Variants in ACAT1 observed in about 807,000 individuals in gnomAD.
ACAT1 encodes acetyl-CoA acetyltransferase, mitochondrial.
A neutral mutation model predicts 47.3 loss-of-function variants in ACAT1; 28 were observed. That is an observed-to-expected ratio of 0.59 (90% CI 0.44 to 0.81). ACAT1 has a LOEUF of 0.81. ACAT1 is among the 30% of genes least tolerant of loss of function. The pLI, the probability that ACAT1 is intolerant of heterozygous loss-of-function variation, is 0.00. For missense variants in ACAT1, 469 were observed against 524.3 expected (o/e 0.89, Z 1.03); for synonymous variants, 181 against 173.6 (o/e 1.04, Z -0.34).
chr11:108,126,791 CTT>C (rs766192283), intron 1 of ACAT1, among the ~76,000 whole-genome samples: 11 of 114,554 alleles, frequency 9.6e-5, no homozygotes, highest in Admixed American at 2.1e-4. Flanking sequence ...AACAGGTTTT[CTT>C]TTTTTTTTTT....
chr11:108,144,155 A>G lies in ACAT1; in HGVS notation c.1005+108A>G. 5 of 1,295,864 alleles carry G rather than the reference A, an allele frequency of 3.9e-6. No individual in the cohort carries two copies. The East Asian group carries it at 1.2e-4, about 30-fold the overall frequency. 80.3% of individuals were successfully genotyped at this position (1,295,864 alleles called of 1,614,324 possible). A position where few individuals can be genotyped will look rare whatever the true frequency, so the allele number is the denominator to read the frequency against. The stretch of plus-strand genomic sequence containing the variant: ...ATGTTATCTGCCAAAGCAGAGAGAT[A>G]GCTTGGTTTCAAATCTTCCCATGTC... On this transcript the variant is annotated intron_variant, in intron 10 of 11. Coordinates refer to ENST00000265838, the MANE Select transcript of ACAT1 (RefSeq NM_000019.4).
intron 1 of ACAT1, among the ~76,000 whole-genome samples, chr11:108,128,370 C>G (rs976154755): frequency 2.0e-5 from 3 of 152,176 alleles, no homozygotes; most frequent in Admixed American, 6.6e-5. Flanking sequence ...GCAGGCGGAT[C>G]ACCTGAGGTC....
chr11:108,120,239 A>G (rs1325519218), upstream of ACAT1, among the ~76,000 whole-genome samples: 4 of 152,014 alleles, frequency 2.6e-5, no homozygotes, highest in Admixed American at 1.3e-4. Flanking sequence ...GCTTATGCCT[A>G]TAATATCTGT....
At chr11:108,129,586 C>T (rs1297463740) in intron 1 of ACAT1, among the ~76,000 whole-genome samples, 1 of 152,038 alleles carries the variant, frequency 6.6e-6, no homozygotes, top group Non-Finnish European at 1.5e-5. Context: ...CCAGGCTGGT[C>T]TTGAACTCCC....
intron 1 of ACAT1, among the ~76,000 whole-genome samples, chr11:108,125,001 A>G (rs1310900482): frequency 6.6e-6 from 1 of 152,162 alleles, no homozygotes; most frequent in Admixed American, 6.6e-5. Flanking sequence ...GTTTCATAAC[A>G]TTTACTGTAG....
chr11:108,121,125 C>T (rs2077140395), upstream of ACAT1, among the ~76,000 whole-genome samples: 1 of 151,708 alleles, frequency 6.6e-6, no homozygotes, highest in Non-Finnish European at 1.5e-5. Context: ...CGCTTGAGCC[C>T]TGATGGTCGA....
chr11:108,135,438 C>G (rs1156653535), intron 5 of ACAT1, among the ~76,000 whole-genome samples, 196 bp downstream of exon 5: 1 of 151,902 alleles, frequency 6.6e-6, no homozygotes, highest in African/African-American at 2.4e-5. Flanking sequence ...GGCTGGGTAT[C>G]ATGTCTGTAA....
chr11:108,132,579 G>T (rs1477536372), intron 2 of ACAT1, among the ~76,000 whole-genome samples: 2 of 151,984 alleles, frequency 1.3e-5, no homozygotes, highest in African/African-American at 4.8e-5. Flanking sequence ...TCTGGGCCGG[G>T]TGCGGTGGCT....
At chr11:108,134,056 T>C in intron 3 of ACAT1, 119 bp downstream of exon 3, 1 of 1,182,510 alleles carries the variant, frequency 8.5e-7, no homozygotes, top group South Asian at 1.3e-5. Context: ...ACATTTCTGC[T>C]TTCCCTTGTA....
At chr11:108,142,717 C>T (rs1035572040) in intron 9 of ACAT1, 167 bp downstream of exon 9, 9 of 611,594 alleles carry the variant, frequency 1.5e-5, no homozygotes, top group South Asian at 1.4e-4. Context: ...TGTGCCTGTA[C>T]TACCATCTAC....
chr11:108,120,796 C>T (rs1286362954), upstream of ACAT1, among the ~76,000 whole-genome samples: 2 of 151,998 alleles, frequency 1.3e-5, no homozygotes, highest in Admixed American at 1.3e-4. Flanking sequence ...TGATGGCTCA[C>T]GCCTGTAATC....
At chr11:108,122,116 T>G (rs1336074868) in intron 1 of ACAT1, among the ~76,000 whole-genome samples, 4 of 152,208 alleles carry the variant, frequency 2.6e-5, no homozygotes, top group African/African-American at 9.7e-5. Context: ...CAATAGATAA[T>G]CATTGGGCAT....
intron 5 of ACAT1, among the ~76,000 whole-genome samples, chr11:108,138,499 C>A (rs2077514879): frequency 6.6e-6 from 1 of 151,906 alleles, no homozygotes; most frequent in Non-Finnish European, 1.5e-5. Flanking sequence ...CAGGTTCAAG[C>A]AATCCTCCTG....
chr11:108,131,432 A>G (rs1591359866), intron 1 of ACAT1, among the ~76,000 whole-genome samples: 1 of 130,910 alleles, frequency 7.6e-6, no homozygotes, highest in African/African-American at 2.8e-5. Flanking sequence ...GCTCACTGCA[A>G]CCTCCGCCTC....
intron 1 of ACAT1, among the ~76,000 whole-genome samples, chr11:108,122,370 C>T (rs2077169389): frequency 6.6e-6 from 1 of 152,238 alleles, no homozygotes. Flanking sequence ...GTACGCACCA[C>T]AGATTGTCAG....
At position 108,121,779 on chromosome 11, in the gene ACAT1, C is replaced by G. The variant is rs2077154720; in HGVS notation, c.72+101C>G. ...GCCGTTGCGGCTCCCGCGGCCCGGGCGCGCGGCTTAGGCCCCAGGACAGTC... is the reference window on the plus strand; with the variant it reads ...GCCGTTGCGGCTCCCGCGGCCCGGGGGCGCGGCTTAGGCCCCAGGACAGTC... On this transcript the variant is annotated intron_variant, in intron 1 of 11. Transcript: ENST00000265838. 18 of 1,385,642 alleles carry G rather than the reference C, an allele frequency of 1.3e-5. No homozygotes were observed. The East Asian group carries it at 4.0e-4, about 31-fold the overall frequency. 85.8% of individuals were successfully genotyped at this position (1,385,642 alleles called of 1,614,324 possible).
chr11:108,141,130 A>G (rs10789655), intron 7 of ACAT1, among the ~76,000 whole-genome samples: 78,213 of 151,690 alleles, frequency 0.52, 22,236 homozygotes, highest in East Asian at 0.88. Flanking sequence ...AGGGAATCCA[A>G]GGCAGGAGGA....
intron 3 of ACAT1, 84 bp from the exon 4 acceptor site, chr11:108,134,137 T>C: frequency 7.6e-7 from 1 of 1,322,264 alleles, no homozygotes; most frequent in Non-Finnish European, 1.1e-6. Flanking sequence ...ATTCCTATTG[T>C]GTAATGTCAC....
intron 9 of ACAT1, chr11:108,143,443 TTTA>T (rs1282201335): frequency 6.6e-6 from 1 of 152,310 alleles, no homozygotes; most frequent in Non-Finnish European, 1.5e-5. Flanking sequence ...TGTTTTAGTA[TTTA>T]TTAACTCTGT....
Sources: allele counts gnomAD v4.1 joint callset (sites outside exome capture counted in the v4.1 genomes callset), GRCh38; gene constraint gnomAD v4.1.1; transcripts MANE v1.5; gene names NCBI Gene and HGNC (gene_info 2026-07-23, HGNC 2026-07-21).